Variants in SWT1 observed in about 807,000 individuals in gnomAD.
The protein encoded by SWT1 is SWT1 RNA endoribonuclease homolog, also known as transcriptional protein SWT1.
In SWT1, 33 loss-of-function variants were observed where a neutral mutation model predicts 107.3. The observed-to-expected ratio is 0.31, with a 90% CI of 0.23 to 0.41. The LOEUF (loss-of-function observed/expected upper bound fraction) is 0.41. Ranked by LOEUF, SWT1 falls within the 10% of genes least tolerant of loss-of-function variation. The probability of loss-of-function intolerance (pLI) is 1.00; values close to 1 mark genes in which losing one functional copy is unlikely to be tolerated. For missense variants in SWT1, 898 were observed against 1,028.9 expected (o/e 0.87, Z 1.74); for synonymous variants, 345 against 348.3 (o/e 0.99, Z 0.11).
Position 185,179,910 on chromosome 1 carries a change from G to A in SWT1, c.967-481G>A, listed in dbSNP as rs561561996. Among the ~76,000 whole-genome samples, 142 of 152,334 alleles carry A rather than the reference G, an allele frequency of 9.3e-4. 1 individual carries two copies. Among genetic ancestry groups the A allele is most frequent in the Admixed American group, 7.4e-3 (113 of 15,302 alleles). ...ATTGTCAAGATTGAGGTTGGGGCTG[G>A]CACTACGGCTCACGCCTGTAATCCC... On this transcript the variant is annotated intron_variant, in intron 5 of 18. Coordinates refer to ENST00000367500, the MANE Select transcript of SWT1 (RefSeq NM_017673.7).
chr1:185,260,881 C>T (rs1453227331), intron 16 of SWT1, among the ~76,000 whole-genome samples: 7 of 152,038 alleles, frequency 4.6e-5, no homozygotes, highest in Admixed American at 4.6e-4. Context: ...AATAATGACA[C>T]ATGAAATTTT....
chr1:185,210,629 ACC>A (rs1658712985), intron 13 of SWT1, among the ~76,000 whole-genome samples: 1 of 152,116 alleles, frequency 6.6e-6, no homozygotes, highest in South Asian at 2.1e-4. Context: ...CCCTTTGAAA[ACC>A]AGCACAGGAC....
At chr1:185,214,769 T>A in intron 14 of SWT1, 114 bp downstream of exon 14, 1 of 827,612 alleles carries the variant, frequency 1.2e-6, no homozygotes, top group Non-Finnish European at 1.8e-6. Context: ...TCTAACATAC[T>A]AAAGGCGTTA....
At chr1:185,270,310 A>T (rs992993347) in intron 16 of SWT1, among the ~76,000 whole-genome samples, 1 of 150,438 alleles carries the variant, frequency 6.6e-6, no homozygotes, top group Non-Finnish European at 1.5e-5. Flanking sequence ...TTTCCAAAAG[A>T]AAAACAGTAT....
At chr1:185,190,061 C>T (rs532534093) in intron 9 of SWT1, among the ~76,000 whole-genome samples, 7 of 151,930 alleles carry the variant, frequency 4.6e-5, no homozygotes, top group South Asian at 2.1e-4. Context: ...TTAGCCAGGC[C>T]GGTCTCGAAC....
intron 10 of SWT1, among the ~76,000 whole-genome samples, chr1:185,200,374 C>T (rs532280904): frequency 6.6e-6 from 1 of 152,024 alleles, no homozygotes; most frequent in South Asian, 2.1e-4. Context: ...TTTTCCTCAT[C>T]TTCATGGATT....
chr1:185,271,516 A>G (rs966570993), intron 17 of SWT1, 127 bp downstream of exon 17: 45 of 584,314 alleles, frequency 7.7e-5, no homozygotes, highest in Non-Finnish European at 1.3e-4. Context: ...TAAATTATTG[A>G]ATGCCATAAA....
At chr1:185,160,180 T>C (rs957908183) in intron 1 of SWT1, among the ~76,000 whole-genome samples, 6 of 152,226 alleles carry the variant, frequency 3.9e-5, no homozygotes, top group African/African-American at 1.4e-4. Flanking sequence ...ATGAAACTTA[T>C]GACTAATTGG....
chr1:185,185,586 A>G (rs1034766530), intron 9 of SWT1, among the ~76,000 whole-genome samples: 1 of 152,144 alleles, frequency 6.6e-6, no homozygotes, highest in Non-Finnish European at 1.5e-5. Flanking sequence ...TTCCCAGCTC[A>G]GAATTATTTA....
chr1:185,220,331 A>G (rs1659560365), intron 14 of SWT1, among the ~76,000 whole-genome samples: 1 of 150,916 alleles, frequency 6.6e-6, no homozygotes, highest in South Asian at 2.1e-4. Flanking sequence ...TCCACACTCC[A>G]CTGAAAGAAA....
At chr1:185,264,151 T>C (rs920394440) in intron 16 of SWT1, 17 of 165,598 alleles carry the variant, frequency 1.0e-4, no homozygotes, top group Admixed American at 6.5e-4. Flanking sequence ...CTGGGTTCTC[T>C]ACTAATAACA....
chr1:185,259,408 A>G (rs952970284), intron 16 of SWT1, among the ~76,000 whole-genome samples: 3 of 152,170 alleles, frequency 2.0e-5, no homozygotes, highest in Non-Finnish European at 2.9e-5. Context: ...ATAATTGCAT[A>G]GTCATAGGTA....
chr1:185,286,576 A>G (rs1558105339), intron 18 of SWT1, among the ~76,000 whole-genome samples: 3 of 152,034 alleles, frequency 2.0e-5, no homozygotes, highest in African/African-American at 7.2e-5. Flanking sequence ...GTATTTTATT[A>G]TTTTTGATGC....
Position 185,290,840 on chromosome 1 carries a change from C to A in SWT1, c.*37C>A. ...TAACTTTAAAGGAATTGCATTTGTCCTTAAGAATAACAGAGTAGTTTTCAA... is the reference window on the plus strand; with the variant it reads ...TAACTTTAAAGGAATTGCATTTGTCATTAAGAATAACAGAGTAGTTTTCAA... On this transcript the variant is annotated 3_prime_UTR_variant, in exon 19 of 19. Coordinates refer to ENST00000367500, the MANE Select transcript of SWT1 (RefSeq NM_017673.7). 6.4e-7 allele frequency: 1 copy of A among 1,570,312 alleles called. No individual in the cohort carries two copies. Among genetic ancestry groups the A allele is most frequent in the Non-Finnish European group, 8.7e-7 (1 of 1,153,824 alleles).
At chr1:185,255,868 C>G (rs961582121) in intron 16 of SWT1, among the ~76,000 whole-genome samples, 1,961 of 151,598 alleles carry the variant, frequency 0.013, 47 homozygotes, top group African/African-American at 0.045. Context: ...GCAGTTTCTT[C>G]CTAGTCTTGA....
Position 185,227,943 on chromosome 1 carries a change from T to C in SWT1, c.2310-3634T>C, listed in dbSNP as rs1394073262. ...TGTCTCTACAAAAAAAATTAAAAAT[T>C]AGCTGGTCATAGTGGCATGCACCTG... On this transcript the variant is annotated intron_variant, in intron 15 of 18. Transcript: ENST00000367500. 2.6e-5 allele frequency among the ~76,000 whole-genome samples: 4 copies of C among 151,104 alleles called. No individual in the cohort carries two copies. The East Asian group carries it at 7.9e-4, about 30-fold the overall frequency.
At chr1:185,284,341 T>G (rs1000330577) in intron 18 of SWT1, among the ~76,000 whole-genome samples, 3 of 152,246 alleles carry the variant, frequency 2.0e-5, no homozygotes, top group African/African-American at 7.2e-5. Context: ...TATGAGGAAT[T>G]TGGCCTCAGG....
intron 2 of SWT1, 137 bp downstream of exon 2, chr1:185,161,062 T>C (rs1654104221): frequency 3.0e-6 from 2 of 656,148 alleles, no homozygotes; most frequent in Non-Finnish European, 5.1e-6. Context: ...TCATTTGCTT[T>C]TCCGGTTTTT....
At chr1:185,267,344 C>T (rs976815200) in intron 16 of SWT1, among the ~76,000 whole-genome samples, 3 of 152,104 alleles carry the variant, frequency 2.0e-5, no homozygotes, top group African/African-American at 4.8e-5. Context: ...TGATCAAGGT[C>T]GCAAAACCGA....
Sources: allele counts gnomAD v4.1 joint callset (sites outside exome capture counted in the v4.1 genomes callset), GRCh38; gene constraint gnomAD v4.1.1; transcripts MANE v1.5; gene names NCBI Gene and HGNC (gene_info 2026-07-23, HGNC 2026-07-21).